Variants in SGPP2 observed in about 807,000 individuals in gnomAD.
The protein encoded by SGPP2 is sphingosine-1-phosphate phosphatase 2, also known as sphingosine 1-phosphate phosphohydrolase 2.
In SGPP2, 30 loss-of-function variants were observed where a neutral mutation model predicts 33.9. The observed-to-expected ratio is 0.89, with a 90% CI of 0.66 to 1.20. The LOEUF is 1.20. SGPP2 is among the 50% of genes most tolerant of loss of function. The probability of loss-of-function intolerance (pLI) is 0.00; values close to 1 mark genes in which losing one functional copy is unlikely to be tolerated. For synonymous variants in SGPP2, 233 were observed against 225.0 expected, an observed-to-expected ratio of 1.04 and a Z score of -0.32; for missense variants, 458 against 532.1, an observed-to-expected ratio of 0.86 and a Z score of 1.37.
intron 4 of SGPP2, among the ~76,000 whole-genome samples, chr2:222,554,035 T>C (rs1689345449): frequency 6.6e-6 from 1 of 152,320 alleles, no homozygotes; most frequent in South Asian, 2.1e-4. Flanking sequence ...CCCACTCGTG[T>C]GGAAGTTGAA....
chr2:222,454,258 T>C (rs1418375791), intron 1 of SGPP2, among the ~76,000 whole-genome samples: 1 of 152,218 alleles, frequency 6.6e-6, no homozygotes, highest in Non-Finnish European at 1.5e-5. Flanking sequence ...CTCAAAAAGA[T>C]AACGGGAAAT....
At chr2:222,497,532 C>A (rs1458682119) in intron 2 of SGPP2, among the ~76,000 whole-genome samples, 1 of 152,174 alleles carries the variant, frequency 6.6e-6, no homozygotes, top group African/African-American at 2.4e-5. Flanking sequence ...CAGGCACGAG[C>A]CACCGCACCT....
At chr2:222,558,261 C>T in intron 4 of SGPP2, 86 bp from the exon 5 acceptor site, 1 of 1,373,206 alleles carries the variant, frequency 7.3e-7, no homozygotes, top group Non-Finnish European at 1.0e-6. Flanking sequence ...TTTTAAATAT[C>T]AAATTAGCCA....
intron 1 of SGPP2, chr2:222,453,154 C>T: frequency 1.3e-6 from 1 of 788,900 alleles, no homozygotes; most frequent in Non-Finnish European, 2.3e-6. Context: ...GAGACAGTCG[C>T]AGTGTGAGGC....
chr2:222,554,465 A>G (rs923002816), intron 4 of SGPP2, among the ~76,000 whole-genome samples: 15 of 152,344 alleles, frequency 9.8e-5, no homozygotes, highest in African/African-American at 2.4e-4. Flanking sequence ...ATGTCCTTTT[A>G]AACGTGAGCA....
At position 222,561,536 on chromosome 2, in the gene SGPP2, A is replaced by ATATATATATATATCATTT. The variant is rs1480668080; in HGVS notation, c.*2651_*2652insCATTTTATATATATATAT. Among the ~76,000 whole-genome samples the ATATATATATATATCATTT allele has an allele frequency of 1.0e-5, 1 of 99,904 alleles. No individual in the cohort carries two copies. Among genetic ancestry groups the ATATATATATATATCATTT allele is most frequent in the Non-Finnish European group, 2.5e-5 (1 of 39,514 alleles). 65.5% of individuals were successfully genotyped at this position (99,904 alleles called of 152,430 possible). A position where few individuals can be genotyped will look rare whatever the true frequency, so the allele number is the denominator to read the frequency against. On this transcript the variant is annotated 3_prime_UTR_variant, in exon 5 of 5. Coordinates refer to ENST00000321276, the MANE Select transcript of SGPP2 (RefSeq NM_152386.4). The stretch of plus-strand genomic sequence containing the variant: ...ATATATGATATATATATATCATTTT[A>ATATATATATATATCATTT]TATATATATATATATCATATACATA...
At chr2:222,456,200 A>G (rs1244409507) in intron 1 of SGPP2, among the ~76,000 whole-genome samples, 1 of 152,222 alleles carries the variant, frequency 6.6e-6, no homozygotes, top group Non-Finnish European at 1.5e-5. Context: ...AAAAAATGTG[A>G]TGGTATAGGA....
chr2:222,539,475 T>C (rs1698961042), intron 4 of SGPP2, among the ~76,000 whole-genome samples: 1 of 152,238 alleles, frequency 6.6e-6, no homozygotes, highest in Non-Finnish European at 1.5e-5. Flanking sequence ...ATCATTGCTA[T>C]ACTCAGTGTC....
At chr2:222,479,704 C>G (rs1698001096) in intron 2 of SGPP2, among the ~76,000 whole-genome samples, 1 of 152,082 alleles carries the variant, frequency 6.6e-6, no homozygotes, top group Middle Eastern at 3.2e-3. Context: ...CGCCCGGCCT[C>G]TTATCTACCC....
chr2:222,523,490 G>C (rs1698715971), intron 3 of SGPP2, among the ~76,000 whole-genome samples: 1 of 152,116 alleles, frequency 6.6e-6, no homozygotes, highest in South Asian at 2.1e-4. Context: ...GCTCGCAGCA[G>C]GAAAACCACC....
At position 222,558,560 on chromosome 2, in the gene SGPP2, A is replaced by G; in HGVS notation, c.862A>G (p.Thr288Ala). ...TTILAAGAGV[T>A]IGFWINHFFQ... ...CATTCTGGCTGCCGGGGCTGGAGTG[A>G]CCATAGGATTCTGGATCAACCATTT... is the stretch of plus-strand genomic sequence containing the variant. Residue 288 changes from threonine (T) to alanine (A), a missense_variant, in exon 5 of 5, where the codon ACC (threonine) becomes GCC (alanine). By Grantham distance (58) the Thr-to-Ala change is moderately conservative. Transcript: ENST00000321276. 6.2e-7 allele frequency: 1 copy of G among 1,614,176 alleles called. No individual in the cohort carries two copies. Among genetic ancestry groups the G allele is most frequent in the Non-Finnish European group, 8.5e-7 (1 of 1,180,024 alleles).
intron 4 of SGPP2, among the ~76,000 whole-genome samples, chr2:222,544,223 C>G (rs1689137998): frequency 6.6e-6 from 1 of 152,176 alleles, no homozygotes; most frequent in Non-Finnish European, 1.5e-5. Flanking sequence ...AAAGGCTGAA[C>G]TGAGATTTTA....
At chr2:222,524,274 C>T (rs896742840) in intron 3 of SGPP2, among the ~76,000 whole-genome samples, 1 of 152,212 alleles carries the variant, frequency 6.6e-6, no homozygotes, top group African/African-American at 2.4e-5. Context: ...GATCTTCTTA[C>T]TACAGTATAC....
intron 1 of SGPP2, among the ~76,000 whole-genome samples, chr2:222,467,337 G>A (rs556052444): frequency 2.0e-5 from 3 of 152,140 alleles, no homozygotes; most frequent in African/African-American, 4.8e-5. Flanking sequence ...GTCATCAACA[G>A]CCATGTCCTG....
intron 1 of SGPP2, among the ~76,000 whole-genome samples, chr2:222,447,637 A>G (rs761749716): frequency 6.6e-5 from 10 of 152,216 alleles, no homozygotes; most frequent in Non-Finnish European, 1.2e-4. Flanking sequence ...CATTTGAAGG[A>G]GAAAACCCTA....
chr2:222,559,262 A>G lies in SGPP2; in HGVS notation c.*364A>G, dbSNP rs1024133403. 4 of 228,868 alleles carry G rather than the reference A, an allele frequency of 1.7e-5. No individual in the cohort carries two copies. The highest frequency in any genetic ancestry group is 7.6e-5 in the South Asian group (1 of 13,240). 14.2% of individuals were successfully genotyped at this position (228,868 alleles called of 1,614,324 possible). Reference sequence around the variant, plus strand: ...ATTGTGGCCTGGCTTAGGAATAGCTATGAGCCCCACTGGGTTCTGGAGAGC... The same window carrying G: ...ATTGTGGCCTGGCTTAGGAATAGCTGTGAGCCCCACTGGGTTCTGGAGAGC... On this transcript the variant is annotated 3_prime_UTR_variant, in exon 5 of 5. Transcript: ENST00000321276.
At position 222,474,530 on chromosome 2, in the gene SGPP2, G is replaced by C. The variant is rs376481692; in HGVS notation, c.220-38G>C. On this transcript the variant is annotated intron_variant, in intron 1 of 4. Transcript: ENST00000321276. ...AGAGATGTTTAAAACTTGACATATTGCATGAACTCACAGAGTCTTCTAACT... is the reference window on the plus strand; with the variant it reads ...AGAGATGTTTAAAACTTGACATATTCCATGAACTCACAGAGTCTTCTAACT... 53 of 1,594,840 alleles carry C rather than the reference G, an allele frequency of 3.3e-5. No individual in the cohort carries two copies. The African/African-American group carries it at 6.3e-4, about 19-fold the overall frequency.
chr2:222,541,578 C>T (rs933828756), intron 4 of SGPP2, among the ~76,000 whole-genome samples: 1 of 147,666 alleles, frequency 6.8e-6, no homozygotes, highest in African/African-American at 2.5e-5. Context: ...TTTTTTGGTT[C>T]AAAATAAGAA....
In SGPP2 at chr2:222,447,494, G is replaced by T. The variant is rs541201163; in HGVS notation, c.219+22673G>T. On this transcript the variant is annotated intron_variant, in intron 1 of 4. Coordinates refer to ENST00000321276, the MANE Select transcript of SGPP2 (RefSeq NM_152386.4). Reference sequence around the variant, plus strand: ...AGTTCCTGGGCATTCACGAGGTTTTGTTGGGGCAGTAAAGAACCCCTGATA... The same window carrying T: ...AGTTCCTGGGCATTCACGAGGTTTTTTTGGGGCAGTAAAGAACCCCTGATA... Among the ~76,000 whole-genome samples, 7 of 152,272 alleles carry T rather than the reference G, an allele frequency of 4.6e-5. No homozygotes were observed. In the East Asian group the frequency reaches 1.2e-3, roughly 25 times the overall value.
Sources: gnomAD v4.1 joint callset for allele counts (sites outside exome capture counted in the v4.1 genomes callset) on GRCh38, gnomAD v4.1.1 for gene constraint, MANE v1.5 for transcripts, NCBI Gene and HGNC (gene_info 2026-07-23, HGNC 2026-07-21) for gene names.